Variants in MINDY4B observed in about 807,000 individuals in gnomAD.
MINDY4B encodes MINDY family member 4B.
In MINDY4B, 25 loss-of-function variants were observed where a neutral mutation model predicts 16.7. The observed-to-expected ratio is 1.49, with a 90% CI of 1.09 to 2.09. MINDY4B has a LOEUF of 2.09. Among genes scored for constraint, MINDY4B ranks in the 30% most tolerant of loss-of-function variants. The probability of loss-of-function intolerance (pLI) is 0.00; values close to 1 mark genes in which losing one functional copy is unlikely to be tolerated. For missense variants in MINDY4B, 327 were observed against 168.4 expected (o/e 1.94, Z -5.21); for synonymous variants, 132 against 61.9 (o/e 2.13, Z -5.32).
At chr3:150,899,964 A>G (rs372477200) in intron 3 of MINDY4B, among the ~76,000 whole-genome samples, 7 of 152,150 alleles carry the variant, frequency 4.6e-5, no homozygotes, top group Non-Finnish European at 8.8e-5. Flanking sequence ...CATTTTTACT[A>G]TGATTCTTCT....
rs1165318637 is a variant in MINDY4B, at chr3:150,870,936, G to A, written c.*109C>T. 1 of 605,002 alleles carries A rather than the reference G, an allele frequency of 1.7e-6. No individual in the cohort carries two copies. Among genetic ancestry groups the A allele is most frequent in the Admixed American group, 3.0e-5 (1 of 33,886 alleles). 37.5% of individuals were successfully genotyped at this position (605,002 alleles called of 1,614,324 possible). On this transcript the variant is annotated 3_prime_UTR_variant, in exon 12 of 12. Coordinates refer to ENST00000465419, the MANE Select transcript of MINDY4B (RefSeq NM_001351281.2). ...TAATGGTATATATATATATTTTTTG[G>A]TGGGGCTTGTGAATGAGAAATATGG...
chr3:150,882,564 G>GTATATATATATATA (rs59302082), intron 10 of MINDY4B, among the ~76,000 whole-genome samples: 29 of 148,078 alleles, frequency 2.0e-4, no homozygotes, highest in African/African-American at 6.2e-4. Flanking sequence ...GTGTATGTGT[G>GTATATATATATATA]TATATATATA....
At chr3:150,885,580 A>G in intron 7 of MINDY4B, 142 bp from the exon 8 acceptor site, 1 of 628,144 alleles carries the variant, frequency 1.6e-6, no homozygotes, top group South Asian at 1.9e-5. Context: ...CTGCCTCCAT[A>G]AGTCTTCCTA....
intron 10 of MINDY4B, among the ~76,000 whole-genome samples, chr3:150,873,979 A>C (rs1717029646): frequency 6.7e-6 from 1 of 148,734 alleles, no homozygotes; most frequent in African/African-American, 2.5e-5. Context: ...TTTTTTTCTA[A>C]GTACTTGTCA....
At chr3:150,903,778 CAA>C (rs534147520) in intron 2 of MINDY4B, among the ~76,000 whole-genome samples, 4 of 152,170 alleles carry the variant, frequency 2.6e-5, no homozygotes, top group Non-Finnish European at 5.9e-5. Context: ...CCAGTTTACA[CAA>C]AGTGTTTCTC....
In MINDY4B at chr3:150,890,947, G is replaced by A. The variant is rs1711784577; in HGVS notation, c.678C>T (p.Phe226=). 1 of 702,698 alleles carries A rather than the reference G, an allele frequency of 1.4e-6. No homozygotes were observed. Among genetic ancestry groups the A allele is most frequent in the Non-Finnish European group, 2.6e-6 (1 of 384,754 alleles). The allele number at this position is 702,698 out of a possible 1,614,324, so 43.5% of individuals were successfully genotyped here. ...GGAGAACTGCACTTACTCGCTCAGT[G>A]AAATTGTCCACAGAGTAGTCCGGAG... is the stretch of plus-strand genomic sequence containing the variant. The part of the protein sequence containing the change: ...ASTPDYSVDN[F]TERLQLFEFL... The change falls in exon 6 of 12, where the codon TTC becomes TTT. Residue 226 remains phenylalanine (F), a synonymous_variant. Coordinates refer to ENST00000465419, the MANE Select transcript of MINDY4B (RefSeq NM_001351281.2).
At chr3:150,892,782 T>TTA (rs1711848772) in intron 5 of MINDY4B, among the ~76,000 whole-genome samples, 1 of 138,246 alleles carries the variant, frequency 7.2e-6, no homozygotes, top group South Asian at 2.3e-4. Flanking sequence ...CTAGCTCTAC[T>TTA]AAAAAAAAAA....
Position 150,883,703 on chromosome 3 carries a change from C to T in MINDY4B, c.894G>A (p.Arg298=). 1 of 702,750 alleles carries T rather than the reference C, an allele frequency of 1.4e-6. No individual in the cohort carries two copies. The highest frequency in any genetic ancestry group is 2.7e-5 in the East Asian group (1 of 37,286). The allele number at this position is 702,750 out of a possible 1,614,324, so 43.5% of individuals were successfully genotyped here. A position where few individuals can be genotyped will look rare whatever the true frequency, so the allele number is the denominator to read the frequency against. ...AAGGCAGAGTCTTCCAGCTCACCTG[C>T]CTGCACAGAAAGCCTCCAGCATTTG... ...LQPNAGGFLC[R]QAVLNMILTG... Residue 298 remains arginine, a synonymous_variant, in exon 9 of 12, where the codon AGG becomes AGA. Transcript: ENST00000465419.
chr3:150,890,563 A>G (rs1442256178), intron 6 of MINDY4B, 178 bp from the exon 7 acceptor site: 5 of 486,144 alleles, frequency 1.0e-5, no homozygotes, highest in Non-Finnish European at 1.8e-5. Context: ...GCAACTGGGT[A>G]GCTACCAGCA....
intron 3 of MINDY4B, among the ~76,000 whole-genome samples, chr3:150,898,617 A>C (rs1290749283): frequency 6.6e-6 from 1 of 152,244 alleles, no homozygotes; most frequent in Non-Finnish European, 1.5e-5. Context: ...ACAGATGGTA[A>C]ATGGTCCTCA....
Position 150,882,133 on chromosome 3 carries a change from T to C in MINDY4B, c.1059+764A>G, listed in dbSNP as rs569535211. On this transcript the variant is annotated intron_variant, in intron 10 of 11. Transcript: ENST00000465419. The stretch of plus-strand genomic sequence containing the variant: ...TTTCAAGGCCATTCCAGAAAAGTGT[T>C]GTTACAGAGTCTGCCTCATCTTCCC... 6.6e-5 allele frequency among the ~76,000 whole-genome samples: 10 copies of C among 152,316 alleles called. No homozygotes were observed. The South Asian group carries it at 2.1e-3, about 32-fold the overall frequency.
chr3:150,891,236 TC>T, intron 5 of MINDY4B, 133 bp from the exon 6 acceptor site: 1 of 609,924 alleles, frequency 1.6e-6, no homozygotes. Flanking sequence ...CTCACCTGGC[TC>T]CAAAGTTCCT....
At chr3:150,883,800 C>G in intron 8 of MINDY4B, 28 bp from the exon 9 acceptor site, 1 of 702,492 alleles carries the variant, frequency 1.4e-6, no homozygotes, top group Non-Finnish European at 2.6e-6. Context: ...CCATCAGCAT[C>G]CAGTCAGAGA....
intron 8 of MINDY4B, among the ~76,000 whole-genome samples, chr3:150,884,611 T>C (rs1253722903): frequency 6.7e-6 from 1 of 149,014 alleles, no homozygotes; most frequent in Non-Finnish European, 1.5e-5. Context: ...ATTTTATTTT[T>C]AATGTTAAGT....
rs184633783 is a variant in MINDY4B at position 150,882,632 on chromosome 3, A to T, written c.1059+265T>A. On this transcript the variant is annotated intron_variant, in intron 10 of 11. Coordinates refer to ENST00000465419, the MANE Select transcript of MINDY4B (RefSeq NM_001351281.2). ...TAAACAGGGATATCTGTATATTTCA[A>T]ATATTGCTTTAAAAATGTATGTATT... 2.8e-3 allele frequency among the ~76,000 whole-genome samples: 430 copies of T among 151,900 alleles called. 1 individual carries two copies. The highest frequency in any genetic ancestry group is 3.9e-3 in the Non-Finnish European group (266 of 67,968).
chr3:150,883,077 A>G lies in MINDY4B; in HGVS notation c.898-19T>C. 1.5e-6 allele frequency: 1 copy of G among 670,782 alleles called. No individual in the cohort carries two copies. The highest frequency in any genetic ancestry group is 1.6e-5 in the South Asian group (1 of 62,520). The allele number at this position is 670,782 out of a possible 1,614,324, so 41.6% of individuals were successfully genotyped here. A position where few individuals can be genotyped will look rare whatever the true frequency, so the allele number is the denominator to read the frequency against. On this transcript the variant is annotated intron_variant, in intron 9 of 11. Coordinates refer to ENST00000465419, the MANE Select transcript of MINDY4B (RefSeq NM_001351281.2). ...GAACTGCCTAGAGAGCATATTTTAC[A>G]GATACTTATATTTTAGATAGCAATG... is the stretch of plus-strand genomic sequence containing the variant.
chr3:150,882,812 G>T (rs1711543197), intron 10 of MINDY4B, 85 bp downstream of exon 10: 4 of 541,578 alleles, frequency 7.4e-6, no homozygotes, highest in Middle Eastern at 2.7e-4. Context: ...GTAGGCTCGG[G>T]TTTGAATTGC....
intron 7 of MINDY4B, among the ~76,000 whole-genome samples, chr3:150,889,438 G>T (rs1249780683): frequency 2.0e-5 from 3 of 152,300 alleles, no homozygotes; most frequent in Non-Finnish European, 4.4e-5. Context: ...TGACCCTTGT[G>T]ATTCCACCGG....
At position 150,882,965 on chromosome 3, in the gene MINDY4B, G is replaced by A. The variant is rs1711545479; in HGVS notation, c.991C>T (p.Leu331=). 1 of 702,714 alleles carries A rather than the reference G, an allele frequency of 1.4e-6. No individual in the cohort carries two copies. Among genetic ancestry groups the A allele is most frequent in the Non-Finnish European group, 2.6e-6 (1 of 384,834 alleles). 43.5% of individuals were successfully genotyped at this position (702,714 alleles called of 1,614,324 possible). The change falls in exon 10 of 12, where the codon CTG becomes TTG. Residue 331 remains leucine (L), a synonymous_variant. Transcript: ENST00000465419. ...GKSQETLHGV[L]TRSDVGYLQW... is the part of the protein sequence containing the mutation. Reference sequence around the variant, plus strand: ...AAATAGCCAACATCACTGCGGGTCAGGACTCCATGTAGTGTTTCCTGAGAC... The same window carrying A: ...AAATAGCCAACATCACTGCGGGTCAAGACTCCATGTAGTGTTTCCTGAGAC...
Sources: gnomAD v4.1 joint callset for allele counts (sites outside exome capture counted in the v4.1 genomes callset) on GRCh38, gnomAD v4.1.1 for gene constraint, MANE v1.5 for transcripts, NCBI Gene and HGNC (gene_info 2026-07-23, HGNC 2026-07-21) for gene names.